Variants in GLRB observed in about 807,000 individuals in gnomAD.
GLRB encodes the protein glycine receptor beta.
GLRB carries 33 observed loss-of-function variants against 54.2 expected under a neutral mutation model. The ratio of observed to expected loss-of-function variants is 0.61; its 90% CI spans 0.46 to 0.81. The LOEUF (loss-of-function observed/expected upper bound fraction) is 0.81. GLRB is among the 40% of genes least tolerant of loss of function. The pLI is 0.00. For synonymous variants in GLRB, 209 were observed against 208.2 expected, an observed-to-expected ratio of 1.00 and a Z score of -0.03; for missense variants, 572 against 584.6, an observed-to-expected ratio of 0.98 and a Z score of 0.22.
chr4:157,137,563 A>G (rs1736448478), intron 6 of GLRB, among the ~76,000 whole-genome samples: 2 of 151,808 alleles, frequency 1.3e-5, no homozygotes, highest in Non-Finnish European at 2.9e-5. Context: ...ATTTCTTCAG[A>G]GAGTAAAGAA....
rs76375298 is a variant in GLRB at position 157,095,045 on chromosome 4, A to G, written c.122+16899A>G. Reference sequence around the variant, plus strand: ...AGCACCACATAGATTGGAGAACTAGAACTTTGGTCGTGCTGATCTACATTG... The same window carrying G: ...AGCACCACATAGATTGGAGAACTAGGACTTTGGTCGTGCTGATCTACATTG... On this transcript the variant is annotated intron_variant, in intron 2 of 9. Coordinates refer to ENST00000264428, the MANE Select transcript of GLRB (RefSeq NM_000824.5). Among the ~76,000 whole-genome samples the G allele has an allele frequency of 7.8e-3, 1,191 of 152,322 alleles. 23 individuals are homozygous for G. The East Asian group carries it at 0.1, about 13-fold the overall frequency.
chr4:157,103,310 G>A (rs776260272), intron 2 of GLRB, among the ~76,000 whole-genome samples: 2 of 152,192 alleles, frequency 1.3e-5, no homozygotes, highest in Non-Finnish European at 2.9e-5. Flanking sequence ...TCCAATCACA[G>A]CTGTAGTTAT....
intron 2 of GLRB, among the ~76,000 whole-genome samples, chr4:157,094,622 A>G (rs867171839): frequency 6.6e-6 from 1 of 152,234 alleles, no homozygotes; most frequent in Non-Finnish European, 1.5e-5. Context: ...AAAAATTTGT[A>G]AAAGTGGTCA....
intron 4 of GLRB, among the ~76,000 whole-genome samples, chr4:157,133,568 C>G (rs1057376943): frequency 6.6e-6 from 1 of 151,834 alleles, no homozygotes; most frequent in East Asian, 1.9e-4. Context: ...AAGGGGAGCT[C>G]ACAGCTTTAT....
At chr4:157,093,773 A>G (rs982871199) in intron 2 of GLRB, among the ~76,000 whole-genome samples, 2 of 151,412 alleles carry the variant, frequency 1.3e-5, no homozygotes, top group African/African-American at 4.8e-5. Context: ...AAAAAAAAAA[A>G]AAAAATACAT....
chr4:157,103,527 A>G (rs1436856917), intron 2 of GLRB, among the ~76,000 whole-genome samples: 2 of 152,204 alleles, frequency 1.3e-5, no homozygotes, highest in Non-Finnish European at 2.9e-5. Flanking sequence ...GCTGTTTGGG[A>G]TACTCTGTGG....
rs1312516546 is a variant in GLRB, at chr4:157,076,264, C to G, written c.-63C>G. ...CACCTGGGCCCGGAGCCTCCACGAT[C>G]TCGCCCGGCGATTGTGGGCAGGGGC... On this transcript the variant is annotated 5_prime_UTR_variant, in exon 1 of 10. It adds an upstream start codon to the 5' untranslated region. Coordinates refer to ENST00000264428, the MANE Select transcript of GLRB (RefSeq NM_000824.5). The G allele has an allele frequency of 6.6e-6, 1 of 151,382 alleles. No homozygotes were observed. The highest frequency in any genetic ancestry group is 2.4e-5 in the African/African-American group (1 of 41,376). The allele number at this position is 151,382 out of a possible 1,614,324, so 9.4% of individuals were successfully genotyped here. A position where few individuals can be genotyped will look rare whatever the true frequency, so the allele number is the denominator to read the frequency against.
chr4:157,143,148 A>G (rs905073102), intron 7 of GLRB, among the ~76,000 whole-genome samples: 1 of 152,268 alleles, frequency 6.6e-6, no homozygotes, highest in Non-Finnish European at 1.5e-5. Context: ...TATTTCCTTC[A>G]GTTGGAGTAC....
At chr4:157,132,019 A>C (rs1445756752) in intron 4 of GLRB, among the ~76,000 whole-genome samples, 1 of 151,794 alleles carries the variant, frequency 6.6e-6, no homozygotes, top group Non-Finnish European at 1.5e-5. Context: ...TTTGATTTTT[A>C]TCAACAATGA....
intron 9 of GLRB, among the ~76,000 whole-genome samples, chr4:157,157,192 C>T (rs1737264939): frequency 6.6e-6 from 1 of 152,138 alleles, no homozygotes; most frequent in South Asian, 2.1e-4. Flanking sequence ...CCTCTTGTTA[C>T]TGCTGGGTGT....
In GLRB at chr4:157,136,507, T is replaced by TG; in HGVS notation, c.337dup (p.Asp113GlyfsTer9). 1 of 1,612,500 alleles carries TG rather than the reference T, an allele frequency of 6.2e-7. No homozygotes were observed. Among genetic ancestry groups the TG allele is most frequent in the Non-Finnish European group, 8.5e-7 (1 of 1,178,574 alleles). Reference sequence around the variant, plus strand: ...ACATCTTCCTGAGACAAAAATGGAATGACCCCAGGCTGAAGCTCCCCAGTG... The same window carrying TG: ...ACATCTTCCTGAGACAAAAATGGAATGGACCCCAGGCTGAAGCTCCCCAGTG... On this transcript the variant is annotated frameshift_variant, in exon 5 of 10. Transcript: ENST00000264428. LOFTEE classifies it high-confidence loss of function.
At chr4:157,076,849 C>T (rs1032838195) in intron 1 of GLRB, among the ~76,000 whole-genome samples, 9 of 150,980 alleles carry the variant, frequency 6.0e-5, no homozygotes, top group Non-Finnish European at 1.5e-5. Context: ...CAGAGGAGAA[C>T]CTTGTGTTGT....
At chr4:157,164,301 C>T (rs558885331) in intron 9 of GLRB, among the ~76,000 whole-genome samples, 16 of 152,294 alleles carry the variant, frequency 1.1e-4, no homozygotes, top group Admixed American at 4.6e-4. Flanking sequence ...CTAAAGCATA[C>T]AGTTATTTCT....
intron 9 of GLRB, among the ~76,000 whole-genome samples, chr4:157,155,121 T>C (rs1579246783): frequency 6.6e-6 from 1 of 152,312 alleles, no homozygotes; most frequent in East Asian, 1.9e-4. Context: ...ATTTTCTGTT[T>C]AGAGAATTTC....
In GLRB at chr4:157,171,165, A is replaced by G. The variant is rs1206008875; in HGVS notation, c.*437A>G. 3 of 153,186 alleles carry G rather than the reference A, an allele frequency of 2.0e-5. No homozygotes were observed. Among genetic ancestry groups the G allele is most frequent in the Non-Finnish European group, 4.4e-5 (3 of 68,418 alleles). 9.5% of individuals were successfully genotyped at this position (153,186 alleles called of 1,614,324 possible). On this transcript the variant is annotated 3_prime_UTR_variant, in exon 10 of 10. Coordinates refer to ENST00000264428, the MANE Select transcript of GLRB (RefSeq NM_000824.5). ...TTATTCTTGTAAAATTTTAGATGGTATTATCACAGATTTAAAAAGGTTGTA... is the reference window on the plus strand; with the variant it reads ...TTATTCTTGTAAAATTTTAGATGGTGTTATCACAGATTTAAAAAGGTTGTA...
intron 4 of GLRB, among the ~76,000 whole-genome samples, chr4:157,125,502 A>C (rs1029521221): frequency 1.6e-4 from 24 of 151,868 alleles, no homozygotes; most frequent in African/African-American, 5.8e-4. Context: ...ACATTAGCAA[A>C]TTAATTTAAA....
chr4:157,158,959 A>G (rs1737352040), intron 9 of GLRB, among the ~76,000 whole-genome samples: 1 of 152,164 alleles, frequency 6.6e-6, no homozygotes, highest in Admixed American at 6.5e-5. Flanking sequence ...CTTCCTATCC[A>G]TGAGCATGGA....
intron 2 of GLRB, among the ~76,000 whole-genome samples, chr4:157,109,563 C>A (rs764169865): frequency 6.6e-6 from 1 of 151,862 alleles, no homozygotes; most frequent in Non-Finnish European, 1.5e-5. Flanking sequence ...ATTGTTTGTC[C>A]TATAATTTAT....
chr4:157,170,299 T>G (rs1737869083), intron 9 of GLRB, 133 bp from the exon 10 acceptor site: 2 of 630,686 alleles, frequency 3.2e-6, no homozygotes, highest in South Asian at 3.9e-5. Context: ...AGATAACCAT[T>G]CTCTCTGTTA....
Sources: allele counts gnomAD v4.1 joint callset (sites outside exome capture counted in the v4.1 genomes callset), GRCh38; gene constraint gnomAD v4.1.1; transcripts MANE v1.5; gene names NCBI Gene and HGNC (gene_info 2026-07-23, HGNC 2026-07-21).